The following HIPK2 variants were observed in gnomAD, a reference collection of about 807,000 sequenced individuals.
HIPK2 encodes the protein homeodomain-interacting protein kinase 2.
HIPK2 carries 27 observed loss-of-function variants against 113.7 expected under a neutral mutation model. The observed-to-expected ratio is 0.24, with a 90% CI of 0.17 to 0.33. HIPK2 has a LOEUF of 0.33. Among genes scored for constraint, HIPK2 ranks in the 10% least tolerant of loss-of-function variants. The pLI is 1.00. For missense variants in HIPK2, 1,257 were observed against 1,588.0 expected (o/e 0.79, Z 3.54); for synonymous variants, 631 against 642.2 (o/e 0.98, Z 0.26).
chr7:139,681,184 C>T (rs1802687763), intron 2 of HIPK2, among the ~76,000 whole-genome samples: 1 of 152,214 alleles, frequency 6.6e-6, no homozygotes, highest in African/African-American at 2.4e-5. Context: ...TTCACTGCCA[C>T]AGCACTTAAT....
chr7:139,726,868 C>A (rs1795592458), intron 1 of HIPK2, among the ~76,000 whole-genome samples: 1 of 152,210 alleles, frequency 6.6e-6, no homozygotes, highest in Non-Finnish European at 1.5e-5. Context: ...GGAAAAAGAT[C>A]TAAATCAAAG....
rs1469290101 is a variant in HIPK2, at chr7:139,572,786, CT to C, written c.*140del. 1 of 212,826 alleles carries C rather than the reference CT, an allele frequency of 4.7e-6. No individual in the cohort carries two copies. The highest frequency in any genetic ancestry group is 6.5e-5 in the Admixed American group (1 of 15,434). 13.2% of individuals were successfully genotyped at this position (212,826 alleles called of 1,614,324 possible). On this transcript the variant is annotated 3_prime_UTR_variant, in exon 15 of 15. Transcript: ENST00000406875. ...TCTGCCCCCCCCCCCCCCCCCGCCC[CT>C]GCCCCGTTTGCATTGTTTGTGTGCG...
chr7:139,696,385 C>T (rs1794567346), intron 2 of HIPK2, among the ~76,000 whole-genome samples: 1 of 151,850 alleles, frequency 6.6e-6, no homozygotes, highest in Non-Finnish European at 1.5e-5. Context: ...CAAGTCTGGG[C>T]ATCATAGTGA....
chr7:139,701,918 G>C (rs1794720388), intron 2 of HIPK2, among the ~76,000 whole-genome samples: 2 of 152,172 alleles, frequency 1.3e-5, no homozygotes, highest in Non-Finnish European at 2.9e-5. Context: ...GGCTGCTGCA[G>C]AGGCCACATC....
Position 139,600,432 on chromosome 7 carries a change from T to G in HIPK2, c.2420A>C (p.His807Pro). The G allele has an allele frequency of 6.2e-7, 1 of 1,613,414 alleles. No individual in the cohort carries two copies. Among genetic ancestry groups the G allele is most frequent in the Non-Finnish European group, 8.5e-7 (1 of 1,179,832 alleles). Residue 807 changes from histidine to proline, a missense_variant, in exon 11 of 15, where the codon CAC (histidine) becomes CCC (proline). His to Pro is a moderately conservative substitution (Grantham distance 77, BLOSUM62 -2). Around this residue, in one of 5 missense-constraint regions of HIPK2, gnomAD observed 862 missense variants for 1,004.3 expected, o/e 0.86. Coordinates refer to ENST00000406875, the MANE Select transcript of HIPK2 (RefSeq NM_022740.5). Reference sequence around the variant, plus strand: ...CACCACCTACCTCACAGATGACTGGTGCTGCTTACTCTTCCGGGAGGAGGT... The same window carrying G: ...CACCACCTACCTCACAGATGACTGGGGCTGCTTACTCTTCCGGGAGGAGGT... ...STTSSRKSKQ[H>P]QSSVRNVSTC...
Position 139,718,076 on chromosome 7 carries a change from C to A in HIPK2, c.20-1061G>T, listed in dbSNP as rs576138268. Among the ~76,000 whole-genome samples the A allele has an allele frequency of 3.2e-4, 48 of 152,242 alleles. 2 individuals carry two copies. The South Asian group carries it at 8.9e-3, about 28-fold the overall frequency. On this transcript the variant is annotated intron_variant, in intron 1 of 14. Transcript: ENST00000406875. ...CTATTATTTCATACCAACATCTCAT[C>A]CACAATTTAGATAAACTTAGAAACC...
chr7:139,649,971 T>C (rs1363021136), intron 2 of HIPK2, among the ~76,000 whole-genome samples: 2 of 151,740 alleles, frequency 1.3e-5, no homozygotes, highest in Non-Finnish European at 2.9e-5. Flanking sequence ...CTTGAAGAGG[T>C]GGTATGGGTA....
intron 2 of HIPK2, among the ~76,000 whole-genome samples, chr7:139,665,041 T>TC (rs1554440597): frequency 6.3e-5 from 6 of 95,656 alleles, no homozygotes; most frequent in African/African-American, 9.8e-5. Context: ...TTCTCTCTCT[T>TC]TTTTTTTTTT....
chr7:139,710,065 C>A (rs1231977134), intron 2 of HIPK2, among the ~76,000 whole-genome samples: 2 of 152,118 alleles, frequency 1.3e-5, no homozygotes, highest in Non-Finnish European at 2.9e-5. Context: ...AACATCCCCA[C>A]AACTTTTTTT....
intron 2 of HIPK2, among the ~76,000 whole-genome samples, chr7:139,695,314 C>T (rs1243325929): frequency 1.3e-5 from 2 of 152,166 alleles, no homozygotes; most frequent in African/African-American, 4.8e-5. Flanking sequence ...TGGCTCAGAA[C>T]GGAGGGTTAG....
At position 139,707,312 on chromosome 7, in the gene HIPK2, C is replaced by G. The variant is rs182017125; in HGVS notation, c.1103+8620G>C. ...GGAACAAGGGCCACAAGCCCAATAC[C>G]CGCAAAGCCCTGAGGCTCCATCCGG... On this transcript the variant is annotated intron_variant, in intron 2 of 14. Transcript: ENST00000406875. 2.8e-3 allele frequency among the ~76,000 whole-genome samples: 425 copies of G among 152,390 alleles called. 3 individuals are homozygous for G. Among genetic ancestry groups the G allele is most frequent in the African/African-American group, 9.0e-3 (376 of 41,594 alleles).
At chr7:139,574,862 G>A (rs1173835934) in intron 14 of HIPK2, among the ~76,000 whole-genome samples, 1 of 152,230 alleles carries the variant, frequency 6.6e-6, no homozygotes, top group Non-Finnish European at 1.5e-5. Flanking sequence ...TTTAAGCTCT[G>A]GCACCATGTC....
At chr7:139,754,455 G>GA (rs1225410243) in intron 1 of HIPK2, among the ~76,000 whole-genome samples, 1 of 152,168 alleles carries the variant, frequency 6.6e-6, no homozygotes, top group Admixed American at 6.5e-5. Context: ...CGAGCAGCAG[G>GA]AAGATGTCTG....
At chr7:139,723,819 G>A (rs921697963) in intron 1 of HIPK2, among the ~76,000 whole-genome samples, 5 of 152,110 alleles carry the variant, frequency 3.3e-5, no homozygotes, top group African/African-American at 1.2e-4. Context: ...CAATTTTATC[G>A]GTATGTAATA....
At chr7:139,648,671 C>A (rs1172424219) in intron 2 of HIPK2, among the ~76,000 whole-genome samples, 1 of 152,292 alleles carries the variant, frequency 6.6e-6, no homozygotes, top group South Asian at 2.1e-4. Flanking sequence ...TACCGAGCAA[C>A]GCCCCCCACC....
chr7:139,562,874 C>CATCT lies in HIPK2; in HGVS notation c.*10049_*10052dup, dbSNP rs1400768533. On this transcript the variant is annotated 3_prime_UTR_variant, in exon 15 of 15. Coordinates refer to ENST00000406875, the MANE Select transcript of HIPK2 (RefSeq NM_022740.5). ...ATATATACACAAACATATATATCAA[C>CATCT]ATCTATCTCTATACAGTGATTCTAC... is the stretch of plus-strand genomic sequence containing the variant. 4 of 152,208 alleles carry CATCT rather than the reference C, an allele frequency of 2.6e-5. No individual in the cohort carries two copies. The highest frequency in any genetic ancestry group is 9.7e-5 in the African/African-American group (4 of 41,430). The allele number at this position is 152,208 out of a possible 1,614,324, so 9.4% of individuals were successfully genotyped here. A position where few individuals can be genotyped will look rare whatever the true frequency, so the allele number is the denominator to read the frequency against.
chr7:139,673,841 A>G (rs1230331232), intron 2 of HIPK2, among the ~76,000 whole-genome samples: 1 of 137,640 alleles, frequency 7.3e-6, no homozygotes, highest in African/African-American at 2.6e-5. Context: ...TGAGGTCAGG[A>G]GTTCAAGACC....
At chr7:139,594,846 C>T (rs1799143461) in intron 12 of HIPK2, among the ~76,000 whole-genome samples, 1 of 152,220 alleles carries the variant, frequency 6.6e-6, no homozygotes, top group Admixed American at 6.5e-5. Context: ...GGCTGCCCCT[C>T]ACCTGTGCAC....
At chr7:139,597,989 A>G (rs1230379895) in intron 11 of HIPK2, among the ~76,000 whole-genome samples, 3 of 152,224 alleles carry the variant, frequency 2.0e-5, no homozygotes, top group Non-Finnish European at 4.4e-5. Context: ...TCTAAACACA[A>G]AATTCTTTTG....
Sources: allele counts gnomAD v4.1 joint callset (sites outside exome capture counted in the v4.1 genomes callset), GRCh38; gene constraint gnomAD v4.1.1; regional missense constraint gnomAD v4.1.1; transcripts MANE v1.5; gene names NCBI Gene and HGNC (gene_info 2026-07-23, HGNC 2026-07-21).